The following KCNH3 variants were observed in gnomAD, a reference collection of about 807,000 sequenced individuals.
The protein encoded by KCNH3 is potassium voltage-gated channel subfamily H member 3, also known as voltage-gated inwardly rectifying potassium channel KCNH3.
In KCNH3, 36 loss-of-function variants were observed where a neutral mutation model predicts 95.6. That is an observed-to-expected ratio of 0.38 (90% CI 0.29 to 0.50). KCNH3 has a LOEUF of 0.50. Among genes scored for constraint, KCNH3 ranks in the 20% least tolerant of loss-of-function variants. The probability of loss-of-function intolerance (pLI) is 0.95; values close to 1 mark genes in which losing one functional copy is unlikely to be tolerated. For missense variants in KCNH3, 1,030 were observed against 1,484.1 expected, an observed-to-expected ratio of 0.69 and a Z score of 5.03; for synonymous variants, 620 against 646.3, an observed-to-expected ratio of 0.96 and a Z score of 0.62.
At chr12:49,557,285 A>AG (rs755640599) in intron 14 of KCNH3, 26 bp downstream of exon 14, 5 of 1,613,668 alleles carry the variant, frequency 3.1e-6, no homozygotes, top group East Asian at 2.2e-5. Context: ...GGTGGAGGTG[A>AG]GGGGGGCACC....
chr12:49,554,326 C>T lies in KCNH3; in HGVS notation c.1919-11C>T. On this transcript the variant is annotated splice_polypyrimidine_tract_variant and intron_variant, in intron 10 of 14. Transcript: ENST00000257981. ...TCTCAGGGCTTGCTGACCTCTACTT[C>T]CTCTCCCCAGGGAAGGGCGACCTGA... 1 of 1,611,562 alleles carries T rather than the reference C, an allele frequency of 6.2e-7. No individual in the cohort carries two copies. The highest frequency in any genetic ancestry group is 8.5e-7 in the Non-Finnish European group (1 of 1,178,544).
intron 7 of KCNH3, 105 bp from the exon 8 acceptor site, chr12:49,548,790 G>A: frequency 8.2e-7 from 1 of 1,222,136 alleles, no homozygotes; most frequent in Non-Finnish European, 1.1e-6. Context: ...CAAAGCGGCG[G>A]GAAGCCATGG....
chr12:49,544,189 T>C lies in KCNH3; in HGVS notation c.996T>C (p.His332=). 1 of 1,280,516 alleles carries C rather than the reference T, an allele frequency of 7.8e-7. No individual in the cohort carries two copies. The highest frequency in any genetic ancestry group is 1.0e-6 in the Non-Finnish European group (1 of 964,582). The allele number at this position is 1,280,516 out of a possible 1,614,324, so 79.3% of individuals were successfully genotyped here. The change falls in exon 7 of 15, where the codon CAT becomes CAC. Residue 332 remains histidine, a synonymous_variant. Transcript: ENST00000257981. ...CCGCATCTCAGTACTTCGGGGCCCA[T>C]CTGCTGAAGACGGTGCGCCTGCTGC... The part of the protein sequence containing the change: ...AFKVNVYFGA[H]LLKTVRLLRL...
chr12:49,543,870 TG>T, intron 5 of KCNH3, 44 bp from the exon 6 acceptor site: 1 of 1,566,318 alleles, frequency 6.4e-7, no homozygotes, highest in Non-Finnish European at 8.7e-7. Flanking sequence ...CAAGAGTGGC[TG>T]CCCCCCCAGC....
chr12:49,550,043 T>TTGCCCCCCCCCC, intron 9 of KCNH3, 37 bp from the exon 10 acceptor site: 2 of 1,299,540 alleles, frequency 1.5e-6, no homozygotes, highest in Non-Finnish European at 2.1e-6. Flanking sequence ...CTTCTGCCAC[T>TTGCCCCCCCCCC]CCCAACCCCC....
intron 8 of KCNH3, 53 bp downstream of exon 8, chr12:49,549,226 A>C: frequency 6.5e-7 from 1 of 1,530,406 alleles, no homozygotes; most frequent in Non-Finnish European, 8.8e-7. Context: ...TTCTGCCCGC[A>C]GGCGGCGCCG....
rs112827879 is a variant in KCNH3, at chr12:49,554,239, G to A, written c.1919-98G>A. ...TCAAGGCTTCAGCTACAGAGGCCCA[G>A]CCCAGCTCTGAAGGGAATCTCAGCA... On this transcript the variant is annotated intron_variant, in intron 10 of 14. Transcript: ENST00000257981. 204 of 953,930 alleles carry A rather than the reference G, an allele frequency of 2.1e-4. 2 individuals are homozygous for A. In the African/African-American group the frequency reaches 2.6e-3, roughly 12 times the overall value. 59.1% of individuals were successfully genotyped at this position (953,930 alleles called of 1,614,324 possible).
intron 5 of KCNH3, 70 bp downstream of exon 5, chr12:49,543,588 G>C: frequency 6.4e-7 from 1 of 1,551,388 alleles, no homozygotes; most frequent in South Asian, 1.2e-5. Context: ...GATAGTCCAC[G>C]TGGCTTCCAG....
rs545538615 is a variant in KCNH3, at chr12:49,549,145, C to T, written c.1440C>T (p.Ile480=). 1.2e-6 allele frequency: 2 copies of T among 1,610,150 alleles called. No homozygotes were observed. The highest frequency in any genetic ancestry group is 2.2e-5 in the South Asian group (2 of 90,814). Residue 480 remains isoleucine (I), a synonymous_variant, in exon 8 of 15, where the codon ATC becomes ATT. Transcript: ENST00000257981. ...CCGCCAACACGGACACCGAGAAGAT[C>T]TTCTCCATCTGCACCATGCTCATCG... is the stretch of plus-strand genomic sequence containing the variant. ...NVSANTDTEK[I]FSICTMLIGA...
intron 12 of KCNH3, 121 bp from the exon 13 acceptor site, chr12:49,556,249 G>A: frequency 2.7e-6 from 2 of 748,928 alleles, no homozygotes; most frequent in Non-Finnish European, 4.7e-6. Context: ...TTTCTCCTGG[G>A]CTCCTGGTCA....
chr12:49,554,987 C>T (rs1000458257), intron 11 of KCNH3, among the ~76,000 whole-genome samples: 8 of 152,112 alleles, frequency 5.3e-5, no homozygotes, highest in African/African-American at 1.9e-4. Context: ...CCTGGATTGT[C>T]ACTAATTCCA....
chr12:49,545,100 C>T (rs1048391798), intron 7 of KCNH3, among the ~76,000 whole-genome samples: 1 of 152,140 alleles, frequency 6.6e-6, no homozygotes, highest in Non-Finnish European at 1.5e-5. Context: ...ACCATAGTTC[C>T]TCTCAGCTGT....
intron 7 of KCNH3, among the ~76,000 whole-genome samples, chr12:49,545,222 G>A (rs1938018811): frequency 6.6e-6 from 1 of 151,814 alleles, no homozygotes; most frequent in South Asian, 2.1e-4. Context: ...CTATTCCACT[G>A]ACACCGAGTG....
At chr12:49,540,763 C>A in intron 1 of KCNH3, 136 bp from the exon 2 acceptor site, 1 of 649,246 alleles carries the variant, frequency 1.5e-6, no homozygotes, top group Non-Finnish European at 2.7e-6. Context: ...TATTCATAAA[C>A]AGCCCTGCCT....
intron 2 of KCNH3, 60 bp downstream of exon 2, chr12:49,541,192 C>A: frequency 8.1e-7 from 1 of 1,242,006 alleles, no homozygotes; most frequent in Non-Finnish European, 1.1e-6. Flanking sequence ...CTGGCACCAG[C>A]CCCATCCACT....
intron 10 of KCNH3, among the ~76,000 whole-genome samples, chr12:49,551,766 C>T (rs17123751): frequency 0.031 from 4,696 of 152,092 alleles, 98 homozygotes; most frequent in Middle Eastern, 0.075. Context: ...AGCCAAGGCA[C>T]GTGTAGATTC....
At chr12:49,551,919 A>T (rs1317731587) in intron 10 of KCNH3, among the ~76,000 whole-genome samples, 1 of 152,230 alleles carries the variant, frequency 6.6e-6, no homozygotes, top group Non-Finnish European at 1.5e-5. Context: ...TGCTCCCTTG[A>T]AGAGGATGAC....
chr12:49,549,186 G>C lies in KCNH3; in HGVS notation c.1468+13G>C. On this transcript the variant is annotated intron_variant, in intron 8 of 14. Transcript: ENST00000257981. ...ATGCTCATCGGCGGTGAGCCCGGCC[G>C]CGCGCGTCTTCCCGGGGCCACTCCC... is the stretch of plus-strand genomic sequence containing the variant. 1 of 1,569,570 alleles carries C rather than the reference G, an allele frequency of 6.4e-7. No homozygotes were observed. Among genetic ancestry groups the C allele is most frequent in the Non-Finnish European group, 8.7e-7 (1 of 1,155,758 alleles).
rs1937855882 is a variant in KCNH3, at chr12:49,541,123, C to A, written c.301C>A (p.Arg101=). 2 of 1,602,426 alleles carry A rather than the reference C, an allele frequency of 1.2e-6. No homozygotes were observed. Among genetic ancestry groups the A allele is most frequent in the South Asian group, 1.1e-5 (1 of 90,838 alleles). The change falls in exon 2 of 15, where the codon CGG becomes AGG. Residue 101 remains arginine (R), a synonymous_variant. Transcript: ENST00000257981. Reference sequence around the variant, plus strand: ...GTTCAAGGCTGAGCTGATCCTGTACCGGAAGAGCGGTGAGGGGCCACCTGG... The same window carrying A: ...GTTCAAGGCTGAGCTGATCCTGTACAGGAAGAGCGGTGAGGGGCCACCTGG... ...KEFKAELILY[R]KSGLPFWCLL... is the part of the protein sequence containing the mutation.
Sources: gnomAD v4.1 joint callset for allele counts (sites outside exome capture counted in the v4.1 genomes callset) on GRCh38, gnomAD v4.1.1 for gene constraint, MANE v1.5 for transcripts, NCBI Gene and HGNC (gene_info 2026-07-23, HGNC 2026-07-21) for gene names.